Variants in VPS13D observed in about 807,000 individuals in gnomAD.
VPS13D encodes the protein vacuolar protein sorting 13 homolog D, also known as intermembrane lipid transfer protein VPS13D.
Under a neutral mutation model 461.9 loss-of-function variants are expected in VPS13D, and 187 were observed. The observed-to-expected ratio is 0.40, with a 90% CI of 0.36 to 0.46. The LOEUF (loss-of-function observed/expected upper bound fraction) is 0.46, where lower values mean the gene tolerates loss of function less well. VPS13D is among the 20% of genes least tolerant of loss of function. VPS13D has a pLI of 0.60. For synonymous variants in VPS13D, 1,951 were observed against 1,986.3 expected, an observed-to-expected ratio of 0.98 and a Z score of 0.47; for missense variants, 4,711 against 5,364.9, an observed-to-expected ratio of 0.88 and a Z score of 3.81.
At chr1:12,315,907 C>T (rs1448270338) in intron 30 of VPS13D, among the ~76,000 whole-genome samples, 1 of 152,070 alleles carries the variant, frequency 6.6e-6, no homozygotes, top group Non-Finnish European at 1.5e-5. Context: ...ACCTCCGCCT[C>T]CCGGGTTCAA....
intron 39 of VPS13D, chr1:12,336,857 A>G (rs1457918924): frequency 6.6e-6 from 1 of 152,230 alleles, no homozygotes; most frequent in Non-Finnish European, 1.5e-5. Flanking sequence ...TGTCAAGAAA[A>G]TGTAACATAG....
chr1:12,382,147 G>C (rs1484816250), intron 57 of VPS13D, among the ~76,000 whole-genome samples: 1 of 150,530 alleles, frequency 6.6e-6, no homozygotes, highest in African/African-American at 2.5e-5. Context: ...TGTTGCCCGG[G>C]CTGGAGTACA....
intron 3 of VPS13D, among the ~76,000 whole-genome samples, chr1:12,243,148 T>C (rs1640435471): frequency 6.6e-6 from 1 of 151,880 alleles, no homozygotes; most frequent in African/African-American, 2.4e-5. Context: ...AGAGACGAGG[T>C]TTCGCCTTGT....
chr1:12,333,288 C>T lies in VPS13D; in HGVS notation c.8350C>T (p.Arg2784Cys), dbSNP rs200761533. The T allele has an allele frequency of 2.8e-5, 45 of 1,614,100 alleles. 1 individual carries two copies. The highest frequency in any genetic ancestry group is 1.7e-4 in the African/African-American group (13 of 75,038). The part of the protein sequence containing the change: ...SVSWQQQAAS[R>C]LHPPRLKLEA... Reference sequence around the variant, plus strand: ...ATCCTGGCAACAGCAGGCAGCTAGTCGTCTCCATCCTCCTCGACTGAAGCT... The same window carrying T: ...ATCCTGGCAACAGCAGGCAGCTAGTTGTCTCCATCCTCCTCGACTGAAGCT... The change falls in exon 38 of 70, where the codon CGT becomes TGT. Residue 2784 changes from arginine to cysteine, a missense_variant. Physicochemically the swap from Arg to Cys is radical, Grantham distance 180. Around this residue, in one of 3 missense-constraint regions of VPS13D, gnomAD observed 4,411 missense variants for 4,937.8 expected, o/e 0.89. Transcript: ENST00000620676.
At chr1:12,262,703 C>T (rs1297476714) in intron 13 of VPS13D, among the ~76,000 whole-genome samples, 15 of 150,918 alleles carry the variant, frequency 9.9e-5, no homozygotes, top group Non-Finnish European at 1.8e-4. Flanking sequence ...ACTGTATTTT[C>T]TTTCTTTTTT....
rs758040217 is a variant in VPS13D at position 12,234,236 on chromosome 1, T to C, written c.-31T>C. ...GAGAGAAATAAAGAATGATCCATGA[T>C]TTCTAAACACCTTTTCCTGAGGATA... On this transcript the variant is annotated 5_prime_UTR_variant, in exon 2 of 70. Coordinates refer to ENST00000620676, the MANE Select transcript of VPS13D (RefSeq NM_015378.4). 3 of 1,474,508 alleles carry C rather than the reference T, an allele frequency of 2.0e-6. No individual in the cohort carries two copies. Among genetic ancestry groups the C allele is most frequent in the Admixed American group, 1.8e-5 (1 of 54,848 alleles). The allele number at this position is 1,474,508 out of a possible 1,614,324, so 91.3% of individuals were successfully genotyped here. A position where few individuals can be genotyped will look rare whatever the true frequency, so the allele number is the denominator to read the frequency against.
At chr1:12,436,572 A>C (rs1011212683) in intron 65 of VPS13D, among the ~76,000 whole-genome samples, 2 of 152,138 alleles carry the variant, frequency 1.3e-5, no homozygotes, top group African/African-American at 4.8e-5. Context: ...ACTTAACTGA[A>C]TGTTTCACTT....
chr1:12,472,646 C>T (rs1217743623), intron 67 of VPS13D, among the ~76,000 whole-genome samples: 1 of 152,188 alleles, frequency 6.6e-6, no homozygotes, highest in Non-Finnish European at 1.5e-5. Context: ...CCATTTGTAT[C>T]CCTTTGCTTT....
At chr1:12,493,687 A>G (rs1180414065) in intron 67 of VPS13D, among the ~76,000 whole-genome samples, 1 of 152,232 alleles carries the variant, frequency 6.6e-6, no homozygotes, top group African/African-American at 2.4e-5. Context: ...CAGCGTCGTC[A>G]CACAGTGGCC....
intron 67 of VPS13D, among the ~76,000 whole-genome samples, chr1:12,472,945 C>T (rs940119006): frequency 6.6e-6 from 1 of 152,198 alleles, no homozygotes; most frequent in African/African-American, 2.4e-5. Context: ...CGTTGCCAGT[C>T]CCAGCCCCTG....
intron 25 of VPS13D, among the ~76,000 whole-genome samples, chr1:12,300,036 G>A (rs1009761773): frequency 9.3e-5 from 14 of 150,822 alleles, no homozygotes; most frequent in African/African-American, 2.7e-4. Context: ...CCCCGACTCC[G>A]CTCTAGTAGT....
Position 12,495,764 on chromosome 1 carries a change from G to T in VPS13D, c.12663-1736G>T, listed in dbSNP as rs1645948599. 6.6e-6 allele frequency among the ~76,000 whole-genome samples: 1 copy of T among 152,204 alleles called. No individual in the cohort carries two copies. Among genetic ancestry groups the T allele is most frequent in the Non-Finnish European group, 1.5e-5 (1 of 68,046 alleles). On this transcript the variant is annotated intron_variant, in intron 67 of 69. Transcript: ENST00000620676. This position sits in a 1 kb window ranked among gnomAD's most constrained non-coding sequence, Gnocchi z 4.0. Reference sequence around the variant, plus strand: ...AGAGCCTTTGGGCTTCTACCATGTAGCCTGACAGAGAGGTCAGCAGGACTG... The same window carrying T: ...AGAGCCTTTGGGCTTCTACCATGTATCCTGACAGAGAGGTCAGCAGGACTG...
intron 13 of VPS13D, among the ~76,000 whole-genome samples, chr1:12,264,773 A>G (rs1641215390): frequency 2.0e-5 from 3 of 152,244 alleles, no homozygotes; most frequent in Admixed American, 1.3e-4. Context: ...TATCCAGAAG[A>G]TCCAGCTAAG....
chr1:12,439,465 A>G (rs1236451094), intron 65 of VPS13D, among the ~76,000 whole-genome samples: 6 of 148,134 alleles, frequency 4.1e-5, no homozygotes, highest in East Asian at 2.0e-4. Context: ...CCCTCCAGCT[A>G]TACCTCTTCT....
At chr1:12,372,611 A>G (rs1644135303) in intron 54 of VPS13D, among the ~76,000 whole-genome samples, 2 of 152,028 alleles carry the variant, frequency 1.3e-5, no homozygotes, top group Non-Finnish European at 2.9e-5. Context: ...CTCTTACCAG[A>G]TGTATGATTT....
At chr1:12,347,234 C>T (rs1381366118) in intron 44 of VPS13D, among the ~76,000 whole-genome samples, 1 of 151,910 alleles carries the variant, frequency 6.6e-6, no homozygotes, top group Non-Finnish European at 1.5e-5. Context: ...GCAGTGGTGC[C>T]GTCTCAGCTC....
intron 16 of VPS13D, among the ~76,000 whole-genome samples, chr1:12,269,366 A>T (rs1478408781): frequency 6.6e-6 from 1 of 152,250 alleles, no homozygotes; most frequent in Non-Finnish European, 1.5e-5. Context: ...TACTACAGGC[A>T]TAAAGTAGTT....
chr1:12,405,735 C>T (rs1396150274), intron 63 of VPS13D, among the ~76,000 whole-genome samples: 3 of 152,196 alleles, frequency 2.0e-5, no homozygotes, highest in African/African-American at 7.2e-5. Context: ...CTTGTGTGAC[C>T]TTTGGAATGG....
intron 35 of VPS13D, among the ~76,000 whole-genome samples, chr1:12,326,792 T>TGCC (rs909713698): frequency 3.9e-5 from 6 of 151,974 alleles, no homozygotes; most frequent in Admixed American, 6.6e-5. Context: ...TACAGGCACA[T>TGCC]GCCACCACGC....
Sources: gnomAD v4.1 joint callset for allele counts (sites outside exome capture counted in the v4.1 genomes callset) on GRCh38, gnomAD v4.1.1 for gene constraint, gnomAD v4.1.1 regional missense constraint, Gnocchi (gnomAD v3.1) non-coding constraint, MANE v1.5 for transcripts, NCBI Gene and HGNC (gene_info 2026-07-23, HGNC 2026-07-21) for gene names.